Variants in C8B observed in about 807,000 individuals in gnomAD.
C8B encodes complement component C8 beta chain.
In C8B, 67 loss-of-function variants were observed where a neutral mutation model predicts 64.6. That is an observed-to-expected ratio of 1.04 (90% confidence interval 0.85 to 1.27). The LOEUF is 1.27. Among genes scored for constraint, C8B ranks in the 50% most tolerant of loss-of-function variants. C8B has a pLI of 0.00. For missense variants in C8B, 790 were observed against 725.2 expected, an observed-to-expected ratio of 1.09 and a Z score of -1.03; for synonymous variants, 284 against 257.7, an observed-to-expected ratio of 1.10 and a Z score of -0.98.
At chr1:56,941,120 T>A in intron 8 of C8B, 108 bp from the exon 9 acceptor site, 1 of 1,254,182 alleles carries the variant, frequency 8.0e-7, no homozygotes, top group Non-Finnish European at 1.1e-6. Flanking sequence ...TGAACTTGTC[T>A]GAGAGATGTG....
At chr1:56,958,622 C>T (rs1645135175) in intron 2 of C8B, among the ~76,000 whole-genome samples, 1 of 152,180 alleles carries the variant, frequency 6.6e-6, no homozygotes, top group African/African-American at 2.4e-5. Flanking sequence ...GCCAGTGACC[C>T]TGCAGACAGG....
At chr1:56,934,800 G>A (rs1644753016) in intron 9 of C8B, among the ~76,000 whole-genome samples, 2 of 152,084 alleles carry the variant, frequency 1.3e-5, no homozygotes, top group African/African-American at 4.8e-5. Flanking sequence ...GTGGGGGTGG[G>A]AGTTTGGAGA....
Position 56,940,489 on chromosome 1 carries a change from G to C in C8B, c.1398+360C>G, listed in dbSNP as rs1373672849. Among the ~76,000 whole-genome samples, 3 of 151,994 alleles carry C rather than the reference G, an allele frequency of 2.0e-5. No individual in the cohort carries two copies. The South Asian group carries it at 6.2e-4, about 32-fold the overall frequency. On this transcript the variant is annotated intron_variant, in intron 9 of 11. Coordinates refer to ENST00000371237, the MANE Select transcript of C8B (RefSeq NM_000066.4). ...GGAGGTTGAGGCAGGAGGATCACTT[G>C]AGCCCAGGAGTTGGAGGCTGCAATC...
At chr1:56,946,155 G>T in intron 6 of C8B, 94 bp from the exon 7 acceptor site, 1 of 1,456,670 alleles carries the variant, frequency 6.9e-7, no homozygotes, top group East Asian at 2.3e-5. Context: ...GATGTTCTTG[G>T]CCTGGGGTCA....
intron 8 of C8B, among the ~76,000 whole-genome samples, chr1:56,942,097 A>C (rs2101392017): frequency 6.6e-6 from 1 of 152,352 alleles, no homozygotes; most frequent in East Asian, 1.9e-4. Context: ...ACATGTATGA[A>C]TGCATTTGAT....
intron 1 of C8B, among the ~76,000 whole-genome samples, chr1:56,962,844 T>C (rs969097107): frequency 2.0e-5 from 3 of 152,256 alleles, no homozygotes; most frequent in East Asian, 1.9e-4. Flanking sequence ...GTATTGCTTG[T>C]GTGTGCTTTA....
intron 1 of C8B, among the ~76,000 whole-genome samples, chr1:56,963,454 T>C (rs1233724800): frequency 1.3e-5 from 2 of 152,172 alleles, no homozygotes; most frequent in Admixed American, 6.5e-5. Flanking sequence ...TTTCAATTTC[T>C]CTTCTCTCTG....
intron 2 of C8B, among the ~76,000 whole-genome samples, chr1:56,958,608 C>T (rs1043407376): frequency 8.5e-5 from 13 of 152,124 alleles, no homozygotes; most frequent in African/African-American, 2.7e-4. Context: ...TTGCTGAGCC[C>T]CCAGCCAGTG....
chr1:56,932,798 G>A (rs1214359250), intron 10 of C8B, among the ~76,000 whole-genome samples: 1 of 152,038 alleles, frequency 6.6e-6, no homozygotes, highest in African/African-American at 2.4e-5. Context: ...TGGTTCCCTG[G>A]GCTGAGACTT....
Position 56,929,400 on chromosome 1 carries a change from T to A in C8B, c.*4A>T, listed in dbSNP as rs997064749. 1 of 1,611,950 alleles carries A rather than the reference T, an allele frequency of 6.2e-7. No individual in the cohort carries two copies. The highest frequency in any genetic ancestry group is 2.2e-5 in the East Asian group (1 of 44,892). Reference sequence around the variant, plus strand: ...TTGTATGTAGCCCACTGCTGTATCATCTGCTAGGAGCAGTCAAGTGTTTCT... The same window carrying A: ...TTGTATGTAGCCCACTGCTGTATCAACTGCTAGGAGCAGTCAAGTGTTTCT... On this transcript the variant is annotated 3_prime_UTR_variant, in exon 12 of 12. Coordinates refer to ENST00000371237, the MANE Select transcript of C8B (RefSeq NM_000066.4).
chr1:56,951,255 G>A (rs1645017119), intron 5 of C8B, among the ~76,000 whole-genome samples: 2 of 152,112 alleles, frequency 1.3e-5, no homozygotes, highest in African/African-American at 4.8e-5. Context: ...AAAAAAGGGA[G>A]CAATTTTGGA....
chr1:56,965,951 TC>T lies in C8B; in HGVS notation c.-4del. On this transcript the variant is annotated 5_prime_UTR_variant, in exon 1 of 12. Transcript: ENST00000371237. ...GCCCATGTCCTGGAATTCTTCATTTTCCCAATGTGACAGGAGATGCCACAGA... is the reference window on the plus strand; with the variant it reads ...GCCCATGTCCTGGAATTCTTCATTTTCCAATGTGACAGGAGATGCCACAGA... 6.2e-7 allele frequency: 1 copy of T among 1,613,728 alleles called. No individual in the cohort carries two copies. Among genetic ancestry groups the T allele is most frequent in the Middle Eastern group, 1.7e-4 (1 of 5,826 alleles).
chr1:56,966,015 C>T lies in C8B; in HGVS notation c.-67G>A. 1 of 1,611,118 alleles carries T rather than the reference C, an allele frequency of 6.2e-7. No homozygotes were observed. Among genetic ancestry groups the T allele is most frequent in the Non-Finnish European group, 8.5e-7 (1 of 1,179,342 alleles). On this transcript the variant is annotated 5_prime_UTR_variant, in exon 1 of 12. Transcript: ENST00000371237. ...CATAACAAGCCTGTGCTGTGAGTGC[C>T]ACTGTCAGCTTCTGTCCCCAAGAGC...
At chr1:56,946,558 G>A (rs930493751) in intron 6 of C8B, among the ~76,000 whole-genome samples, 2 of 152,166 alleles carry the variant, frequency 1.3e-5, no homozygotes, top group Non-Finnish European at 2.9e-5. Flanking sequence ...AAGTTTTATT[G>A]GAACACAACT....
chr1:56,930,109 A>T (rs1199968109), intron 11 of C8B, among the ~76,000 whole-genome samples: 2 of 152,238 alleles, frequency 1.3e-5, no homozygotes, highest in African/African-American at 4.8e-5. Flanking sequence ...GAATGGATGA[A>T]TAAATAAATG....
At chr1:56,938,891 G>GA (rs3216676) in intron 9 of C8B, among the ~76,000 whole-genome samples, 48,230 of 149,966 alleles carry the variant, frequency 0.32, 8,156 homozygotes, top group East Asian at 0.52. Flanking sequence ...CCTCTTGCCA[G>GA]AAAAAAAAAA....
At chr1:56,947,274 T>C (rs72670363) in intron 6 of C8B, among the ~76,000 whole-genome samples, 29,796 of 152,082 alleles carry the variant, frequency 0.2, 3,245 homozygotes, top group Non-Finnish European at 0.25. Flanking sequence ...TCATCACAAT[T>C]TGTCCTCCAG....
chr1:56,959,989 G>T (rs1033827818), intron 2 of C8B, 31 bp downstream of exon 2: 1 of 1,613,428 alleles, frequency 6.2e-7, no homozygotes, highest in Non-Finnish European at 8.5e-7. Flanking sequence ...GCTCCTGGAA[G>T]CTTAGAGCTG....
At chr1:56,933,781 A>G (rs1644737296) in intron 9 of C8B, among the ~76,000 whole-genome samples, 1 of 152,236 alleles carries the variant, frequency 6.6e-6, no homozygotes, top group African/African-American at 2.4e-5. Context: ...GAATCGAGAG[A>G]GACAGACAAA....
Sources: gnomAD v4.1 joint callset for allele counts (sites outside exome capture counted in the v4.1 genomes callset) on GRCh38, gnomAD v4.1.1 for gene constraint, MANE v1.5 for transcripts, NCBI Gene and HGNC (gene_info 2026-07-23, HGNC 2026-07-21) for gene names.